Variants in DST observed in about 807,000 individuals in gnomAD.
The protein encoded by DST is bullous pemphigoid antigen.
DST carries 253 observed loss-of-function variants against 875.2 expected under a neutral mutation model. That is an observed-to-expected ratio of 0.29 (90% CI 0.26 to 0.32). The LOEUF (loss-of-function observed/expected upper bound fraction) is 0.32, where lower values mean the gene tolerates loss of function less well. Among genes scored for constraint, DST ranks in the 10% least tolerant of loss-of-function variants. DST has a pLI of 1.00. For missense variants in DST, 8,287 were observed against 9,111.6 expected, an observed-to-expected ratio of 0.91 and a Z score of 3.68; for synonymous variants, 3,124 against 3,197.1, an observed-to-expected ratio of 0.98 and a Z score of 0.77.
chr6:56,573,545 A>G, intron 51 of DST, 134 bp downstream of exon 51: 1 of 663,620 alleles, frequency 1.5e-6, no homozygotes, highest in Non-Finnish European at 2.6e-6. Flanking sequence ...TGCAAGCATT[A>G]CTTTCCACAC....
At chr6:56,735,366 C>T in intron 4 of DST, 77 bp from the exon 5 acceptor site, 1 of 891,268 alleles carries the variant, frequency 1.1e-6, no homozygotes. Flanking sequence ...TGAATATAAA[C>T]AAAAATGAGA....
chr6:56,661,903 T>C (rs1048270930), intron 10 of DST, among the ~76,000 whole-genome samples: 1 of 152,080 alleles, frequency 6.6e-6, no homozygotes, highest in African/African-American at 2.4e-5. Flanking sequence ...TCTAACTTTT[T>C]AAATGATCAC....
chr6:56,620,566 T>G, intron 36 of DST: 1 of 1,614,054 alleles, frequency 6.2e-7, no homozygotes, highest in East Asian at 2.2e-5. Context: ...CTTCCTCTAC[T>G]CGGGACTTTT....
In DST at chr6:56,936,097, C is replaced by T. The variant is rs117783995; in HGVS notation, c.216+17688G>A. On this transcript the variant is annotated intron_variant, in intron 2 of 103. Transcript: ENST00000680361. Reference sequence around the variant, plus strand: ...GAGTTATATGTAGCAATACACATCTCTACCAGCATCATCTTACCAACTGTC... The same window carrying T: ...GAGTTATATGTAGCAATACACATCTTTACCAGCATCATCTTACCAACTGTC... Among the ~76,000 whole-genome samples, 149 of 152,280 alleles carry T rather than the reference C, an allele frequency of 9.8e-4. No individual in the cohort carries two copies. In the East Asian group the frequency reaches 0.01, roughly 10 times the overall value.
chr6:56,600,335 G>T, intron 44 of DST, 114 bp from the exon 45 acceptor site: 1 of 1,000,480 alleles, frequency 1.0e-6, no homozygotes, highest in Admixed American at 2.1e-5. Context: ...GCTTTTATAA[G>T]TATGCTGTAA....
intron 92 of DST, among the ~76,000 whole-genome samples, chr6:56,475,423 A>T (rs2095136660): frequency 6.6e-6 from 1 of 151,918 alleles, no homozygotes; most frequent in Non-Finnish European, 1.5e-5. Context: ...ACACACACAC[A>T]CACACACACA....
chr6:56,853,065 A>G (rs1333022447), intron 3 of DST, among the ~76,000 whole-genome samples: 1 of 152,192 alleles, frequency 6.6e-6, no homozygotes, highest in African/African-American at 2.4e-5. Context: ...TAGTAGGTGT[A>G]AACCCCATTA....
At chr6:56,554,531 G>A (rs1033285545) in intron 60 of DST, among the ~76,000 whole-genome samples, 1 of 152,132 alleles carries the variant, frequency 6.6e-6, no homozygotes, top group African/African-American at 2.4e-5. Context: ...ACTGTAAATT[G>A]ACAATATTAA....
intron 90 of DST, among the ~76,000 whole-genome samples, chr6:56,478,830 T>G (rs1337279892): frequency 1.3e-5 from 2 of 152,064 alleles, no homozygotes; most frequent in Non-Finnish European, 2.9e-5. Context: ...CAAGAAAACC[T>G]AAAAAAACTC....
chr6:56,797,262 G>A (rs955882101), intron 4 of DST, among the ~76,000 whole-genome samples: 22 of 152,064 alleles, frequency 1.4e-4, no homozygotes, highest in African/African-American at 4.8e-4. Context: ...CCAACAACCA[G>A]CCACCATACC....
intron 79 of DST, 123 bp downstream of exon 79, chr6:56,501,397 C>A (rs774822621): frequency 1.8e-6 from 2 of 1,135,814 alleles, no homozygotes; most frequent in Non-Finnish European, 2.4e-6. Context: ...TTTGACGCTC[C>A]TCATGGTTAA....
In DST at chr6:56,614,373, G is replaced by T. The variant is rs762531991; in HGVS notation, c.5041C>A (p.Pro1681Thr). ...GTGAATACCTTTTGCTTAGAGAAGG[G>T]AGGTTTTCCAGCCTTCTCTGCATCT... ...LKDAEKAGKP[P>T]FSKQKISSEE... The change falls in exon 37 of 104, where the codon CCC becomes ACC. Residue 1681 changes from proline to threonine, a missense_variant. By Grantham distance (38) the Pro-to-Thr change is conservative (BLOSUM62 -1). Coordinates refer to ENST00000680361, the MANE Select transcript of DST (RefSeq NM_001374736.1). 6.2e-7 allele frequency: 1 copy of T among 1,607,498 alleles called. No individual in the cohort carries two copies. Among genetic ancestry groups the T allele is most frequent in the Non-Finnish European group, 8.5e-7 (1 of 1,177,028 alleles).
intron 3 of DST, among the ~76,000 whole-genome samples, chr6:56,872,980 C>T (rs996504193): frequency 6.6e-6 from 1 of 152,066 alleles, no homozygotes; most frequent in Non-Finnish European, 1.5e-5. Context: ...AATGAGCATT[C>T]TCCTTTCCCT....
Position 56,606,533 on chromosome 6 carries a change from C to T in DST, c.8095G>A (p.Glu2699Lys). The stretch of plus-strand genomic sequence containing the variant: ...TGTATTTTTTCACCAGAATCTAATT[C>T]ATCTTTCTCAACATCCATAAGGAAA... ...QDFLMDVEKD[E>K]LDSGEKIHLN... Residue 2699 changes from glutamate (E) to lysine (K), a missense_variant, in exon 40 of 104, where the codon GAA becomes AAA. This residue lies in a region of DST where 3,138 missense variants were observed against 3,116.6 expected (regional missense o/e 1.01). Coordinates refer to ENST00000680361, the MANE Select transcript of DST (RefSeq NM_001374736.1). 1 of 1,613,480 alleles carries T rather than the reference C, an allele frequency of 6.2e-7. No homozygotes were observed. The highest frequency in any genetic ancestry group is 1.7e-4 in the Middle Eastern group (1 of 6,060).
chr6:56,666,820 C>T (rs575474725), intron 10 of DST, among the ~76,000 whole-genome samples: 1 of 150,462 alleles, frequency 6.6e-6, no homozygotes, highest in Non-Finnish European at 1.5e-5. Flanking sequence ...ACTGCAGCCT[C>T]GACCTCCTGG....
chr6:56,534,178 GT>G (rs1348898728), intron 63 of DST, among the ~76,000 whole-genome samples: 1 of 151,990 alleles, frequency 6.6e-6, no homozygotes, highest in Admixed American at 6.6e-5. Context: ...AATTTAAAAT[GT>G]TGTCTTTTTT....
chr6:56,908,098 T>TATATATATATATACACACAC (rs148958146), intron 2 of DST, among the ~76,000 whole-genome samples: 2 of 150,498 alleles, frequency 1.3e-5, no homozygotes, highest in African/African-American at 4.9e-5. Flanking sequence ...TATATATATA[T>TATATATATATATACACACAC]ACACACACAC....
intron 2 of DST, among the ~76,000 whole-genome samples, chr6:56,923,463 CAAAAAAAAAAA>C (rs57118743): frequency 4.1e-5 from 2 of 48,714 alleles, no homozygotes; most frequent in African/African-American, 7.2e-5. Context: ...GGCTCACTGG[CAAAAAAAAAAA>C]AAAAAAAAAA....
rs779879798 is a variant in DST at position 56,506,690 on chromosome 6, T to C, written c.19339A>G (p.Ile6447Val). 1 of 1,613,644 alleles carries C rather than the reference T, an allele frequency of 6.2e-7. No individual in the cohort carries two copies. ...IAACGEPDKP[I>V]VKKSIDELNS... The stretch of plus-strand genomic sequence containing the variant: ...ACCTCATCTATACTCTTCTTGACAA[T>C]GGGTTTATCAGGCTCCCCACATGCC... Residue 6447 changes from isoleucine (I) to valine (V), a missense_variant, in exon 76 of 104, where the codon ATT (isoleucine) becomes GTT (valine). Ile to Val is a conservative substitution (Grantham distance 29). Coordinates refer to ENST00000680361, the MANE Select transcript of DST (RefSeq NM_001374736.1).
Sources: allele counts gnomAD v4.1 joint callset (sites outside exome capture counted in the v4.1 genomes callset), GRCh38; gene constraint gnomAD v4.1.1; regional missense constraint gnomAD v4.1.1; transcripts MANE v1.5; gene names NCBI Gene and HGNC (gene_info 2026-07-23, HGNC 2026-07-21).